The following UROC1 variants were observed in gnomAD, a reference collection of about 807,000 sequenced individuals.
UROC1 encodes the protein urocanate hydratase 1.
A neutral mutation model predicts 89.5 loss-of-function variants in UROC1; 79 were observed. The ratio of observed to expected loss-of-function variants is 0.88; its 90% CI spans 0.74 to 1.06. UROC1 has a LOEUF of 1.06. Ranked by LOEUF, UROC1 falls within the 50% of genes least tolerant of loss-of-function variation. The probability of loss-of-function intolerance (pLI) is 0.00; values close to 1 mark genes in which losing one functional copy is unlikely to be tolerated. For synonymous variants in UROC1, 361 were observed against 354.8 expected (o/e 1.02, Z -0.20); for missense variants, 885 against 907.8 (o/e 0.97, Z 0.32).
At chr3:126,496,649 T>C (rs72979984) in intron 14 of UROC1, among the ~76,000 whole-genome samples, 9,697 of 152,284 alleles carry the variant, frequency 0.064, 393 homozygotes, top group African/African-American at 0.12. Flanking sequence ...TATGTGTGCA[T>C]GTGAGAGGGC....
In UROC1 at chr3:126,488,189, C is replaced by T. The variant is rs1460704542; in HGVS notation, c.1790+9G>A. On this transcript the variant is annotated intron_variant, in intron 18 of 19. Coordinates refer to ENST00000290868, the MANE Select transcript of UROC1 (RefSeq NM_144639.3). ...TCAGCCCACACCCTGTCCTCTGAAA[C>T]CTTCTTACCAGCCCACGCCCCCTCC... 5.0e-6 allele frequency: 8 copies of T among 1,614,124 alleles called. No individual in the cohort carries two copies. The highest frequency in any genetic ancestry group is 1.3e-5 in the African/African-American group (1 of 74,942).
intron 1 of UROC1, among the ~76,000 whole-genome samples, chr3:126,512,362 C>T (rs538651849): frequency 6.6e-6 from 1 of 152,368 alleles, no homozygotes; most frequent in South Asian, 2.1e-4. Context: ...CACTGCGGCA[C>T]TGCGGCACTT....
chr3:126,481,230 C>T lies in UROC1; in HGVS notation c.*1115G>A, dbSNP rs914587160. 2 of 152,198 alleles carry T rather than the reference C, an allele frequency of 1.3e-5. No homozygotes were observed. The highest frequency in any genetic ancestry group is 1.3e-4 in the Admixed American group (2 of 15,282). 9.4% of individuals were successfully genotyped at this position (152,198 alleles called of 1,614,324 possible). ...GAAGCCCTGCCCCACAGACCCCACCCTCATCTCGTGGGCCAGGACTAGGCC... is the reference window on the plus strand; with the variant it reads ...GAAGCCCTGCCCCACAGACCCCACCTTCATCTCGTGGGCCAGGACTAGGCC... On this transcript the variant is annotated 3_prime_UTR_variant, in exon 20 of 20. Coordinates refer to ENST00000290868, the MANE Select transcript of UROC1 (RefSeq NM_144639.3).
Position 126,509,623 on chromosome 3 carries a change from G to T in UROC1, c.313C>A (p.His105Asn). Residue 105 changes from histidine to asparagine, a missense_variant, in exon 3 of 20, where the codon CAC becomes AAC. Coordinates refer to ENST00000290868, the MANE Select transcript of UROC1 (RefSeq NM_144639.3). ...GGATCCAGGTTGTTCATAATCATGT[G>T]CATGATGGCGGCAGCCACTTTCGTC... ...CQTKVAAAIMHMIMNNLDPAV... is the reference protein window; with the variant it reads ...CQTKVAAAIMNMIMNNLDPAV... 6.4e-7 allele frequency: 1 copy of T among 1,552,174 alleles called. No individual in the cohort carries two copies. The highest frequency in any genetic ancestry group is 8.7e-7 in the Non-Finnish European group (1 of 1,147,212).
rs998942787 is a variant in UROC1, at chr3:126,500,706, C to A, written c.1134G>T (p.Leu378=). ...ACTCCAAGTAGCACCTTTCCTGGAC[C>A]AGGTCCTTGAACACAGCAGGGTTGG... ...MASNPAVFKD[L]VQESLRRQVS... The change falls in exon 11 of 20, where the codon CTG becomes CTT. Residue 378 remains leucine, a synonymous_variant. Transcript: ENST00000290868. 6.2e-7 allele frequency: 1 copy of A among 1,614,154 alleles called. No individual in the cohort carries two copies. The highest frequency in any genetic ancestry group is 8.5e-7 in the Non-Finnish European group (1 of 1,180,028).
chr3:126,487,827 G>A (rs192373000), intron 18 of UROC1, among the ~76,000 whole-genome samples: 24 of 152,360 alleles, frequency 1.6e-4, no homozygotes, highest in African/African-American at 3.4e-4. Flanking sequence ...GAGCAGGAAG[G>A]AGAAGACCCT....
intron 19 of UROC1, 110 bp downstream of exon 19, chr3:126,483,259 C>T: frequency 1.0e-6 from 1 of 994,594 alleles, no homozygotes; most frequent in Non-Finnish European, 1.5e-6. Flanking sequence ...TGAGAGGAAT[C>T]CGGCCCCCAT....
In UROC1 at chr3:126,507,771, A is replaced by G; in HGVS notation, c.573T>C (p.Tyr191=). 1 of 1,614,102 alleles carries G rather than the reference A, an allele frequency of 6.2e-7. No homozygotes were observed. Among genetic ancestry groups the G allele is most frequent in the Non-Finnish European group, 8.5e-7 (1 of 1,179,990 alleles). Residue 191 remains tyrosine, a synonymous_variant, in exon 6 of 20, where the codon TAT becomes TAC. Transcript: ENST00000290868. ...TAACCCCCAAGGCAAAGAGCTTCTCATACTCCGTCCGGGAGGAGTAGTTGG... is the reference window on the plus strand; with the variant it reads ...TAACCCCCAAGGCAAAGAGCTTCTCGTACTCCGTCCGGGAGGAGTAGTTGG... ...VIPNYSSRTE[Y]EKLFALGVTM...
intron 1 of UROC1, among the ~76,000 whole-genome samples, chr3:126,514,044 C>T (rs866526072): frequency 1.3e-5 from 2 of 152,240 alleles, no homozygotes; most frequent in African/African-American, 2.4e-5. Context: ...TCTTCTTTCC[C>T]AGGCTAGGAA....
chr3:126,509,254 A>G (rs1936141116), intron 3 of UROC1, among the ~76,000 whole-genome samples: 2 of 151,282 alleles, frequency 1.3e-5, no homozygotes, highest in South Asian at 2.1e-4. Context: ...AAAAAAAAAA[A>G]GTAAAAAAAT....
At chr3:126,502,853 G>A (rs1177382387) in intron 9 of UROC1, among the ~76,000 whole-genome samples, 2 of 150,746 alleles carry the variant, frequency 1.3e-5, no homozygotes, top group Non-Finnish European at 3.0e-5. Flanking sequence ...TGTGTTACAT[G>A]TGTGTTGTGT....
intron 16 of UROC1, among the ~76,000 whole-genome samples, chr3:126,490,147 C>T (rs949671915): frequency 1.3e-5 from 2 of 152,240 alleles, no homozygotes; most frequent in African/African-American, 4.8e-5. Context: ...TGCTGCCAGT[C>T]TCTCTGAGGA....
chr3:126,506,419 C>T (rs1191836303), intron 6 of UROC1, among the ~76,000 whole-genome samples: 2 of 152,164 alleles, frequency 1.3e-5, no homozygotes, highest in African/African-American at 2.4e-5. Context: ...GCCCCTCCAC[C>T]GGAGACGAGA....
At chr3:126,512,885 G>T (rs1936224750) in intron 1 of UROC1, among the ~76,000 whole-genome samples, 1 of 152,226 alleles carries the variant, frequency 6.6e-6, no homozygotes, top group South Asian at 2.1e-4. Context: ...ACTATTTCTT[G>T]ATCGCAGTCC....
chr3:126,504,761 G>C lies in UROC1; in HGVS notation c.814-678C>G, dbSNP rs145215886. Among the ~76,000 whole-genome samples, 20 of 152,344 alleles carry C rather than the reference G, an allele frequency of 1.3e-4. No homozygotes were observed. The East Asian group carries it at 3.9e-3, about 29-fold the overall frequency. On this transcript the variant is annotated intron_variant, in intron 8 of 19. Transcript: ENST00000290868. Reference sequence around the variant, plus strand: ...AAATCCCACTGGCACATATCGCCAAGCCTTGCCTCAAGGCTCCTTGCCTCC... The same window carrying C: ...AAATCCCACTGGCACATATCGCCAACCCTTGCCTCAAGGCTCCTTGCCTCC...
In UROC1 at chr3:126,499,363, G is replaced by T; in HGVS notation, c.1290C>A (p.Tyr430Ter). The T allele has an allele frequency of 6.2e-7, 1 of 1,612,300 alleles. No homozygotes were observed. Among genetic ancestry groups the T allele is most frequent in the Non-Finnish European group, 8.5e-7 (1 of 1,179,728 alleles). The part of the protein sequence containing the change: ...KKGAGRTEFR[Y>*]PSYVQHIMGD... ...CCATGATGTGCTGCACATAGGAAGG[G>T]TAGCGGAACTCTGTCCTGCCAGCAC... Residue 430 changes from tyrosine (Y) to a stop codon, truncating the protein, a stop_gained, in exon 13 of 20, where the codon TAC becomes TAA. Coordinates refer to ENST00000290868, the MANE Select transcript of UROC1 (RefSeq NM_144639.3). LOFTEE classifies it high-confidence loss of function.
intron 15 of UROC1, among the ~76,000 whole-genome samples, chr3:126,493,168 T>C (rs1935692545): frequency 6.6e-6 from 1 of 152,080 alleles, no homozygotes; most frequent in Admixed American, 6.5e-5. Context: ...AATGAGTCAC[T>C]GTGTAGCCCC....
intron 1 of UROC1, among the ~76,000 whole-genome samples, chr3:126,513,593 C>T (rs1014611081): frequency 7.9e-5 from 12 of 152,206 alleles, no homozygotes; most frequent in African/African-American, 2.7e-4. Flanking sequence ...CAGTACCCAC[C>T]TCGGAGGACT....
Position 126,507,975 on chromosome 3 carries a change from T to C in UROC1, c.532A>G (p.Asn178Asp). The change falls in exon 5 of 20, where the codon AAT (asparagine) becomes GAT (aspartate). Residue 178 changes from asparagine (N) to aspartate (D), a missense_variant. Asn to Asp is a conservative substitution (Grantham distance 23). Transcript: ENST00000290868. ...SRSAPRLVIT[N>D]GMVIPNYSSR... ...ACCTGCTGGGGACCCACCATCCCAT[T>C]GGTGATGACGAGCCGTGGGGCACTG... 1.2e-6 allele frequency: 2 copies of C among 1,613,838 alleles called. No individual in the cohort carries two copies. Among genetic ancestry groups the C allele is most frequent in the Non-Finnish European group, 1.7e-6 (2 of 1,179,994 alleles).
Sources: gnomAD v4.1 joint callset for allele counts (sites outside exome capture counted in the v4.1 genomes callset) on GRCh38, gnomAD v4.1.1 for gene constraint, MANE v1.5 for transcripts, NCBI Gene and HGNC (gene_info 2026-07-23, HGNC 2026-07-21) for gene names.